LIN28B: variants seen among roughly 807,000 people sequenced by gnomAD.
LIN28B encodes protein lin-28 homolog B.
A neutral mutation model predicts 21.9 loss-of-function variants in LIN28B; 5 were observed. The observed-to-expected ratio is 0.23, with a 90% CI of 0.12 to 0.48. The LOEUF (loss-of-function observed/expected upper bound fraction) is 0.48. LIN28B is among the 20% of genes least tolerant of loss of function. The probability of loss-of-function intolerance (pLI) is 0.98; values close to 1 mark genes in which losing one functional copy is unlikely to be tolerated. For missense variants in LIN28B, 245 were observed against 310.5 expected (o/e 0.79, Z 1.58); for synonymous variants, 109 against 111.3 (o/e 0.98, Z 0.13).
intron 2 of LIN28B, among the ~76,000 whole-genome samples, chr6:104,949,827 A>G (rs1018891739): frequency 1.3e-5 from 2 of 152,238 alleles, no homozygotes; most frequent in African/African-American, 4.8e-5. Context: ...AGAAACATCA[A>G]TATTTACTCA....
At chr6:104,943,947 A>G (rs1481846140) in intron 2 of LIN28B, among the ~76,000 whole-genome samples, 3 of 152,156 alleles carry the variant, frequency 2.0e-5, no homozygotes, top group Non-Finnish European at 4.4e-5. Context: ...ATACATGTAC[A>G]TTATTGTGTT....
chr6:105,026,624 G>A, intron 3 of LIN28B, 142 bp downstream of exon 3: 2 of 580,352 alleles, frequency 3.4e-6, no homozygotes, highest in East Asian at 5.8e-5. Context: ...CAGAAATATA[G>A]GCTATCTTGC....
intron 3 of LIN28B, among the ~76,000 whole-genome samples, chr6:104,951,933 A>G (rs896807950): frequency 3.3e-5 from 5 of 152,108 alleles, no homozygotes; most frequent in Admixed American, 1.3e-4. Context: ...CTTCTCACAC[A>G]TGCTGATTTG....
In LIN28B at chr6:104,959,921, A is replaced by G. The variant is rs375609034; in HGVS notation, c.198+1635A>G. On this transcript the variant is annotated intron_variant, in intron 2 of 3. Coordinates refer to ENST00000345080, the MANE Select transcript of LIN28B (RefSeq NM_001004317.4). ...ATTTGATTTTCTATGTTTACCTTCT[A>G]AAATATTCATCAAATGTTAAGATAT... Among the ~76,000 whole-genome samples, 3 of 152,270 alleles carry G rather than the reference A, an allele frequency of 2.0e-5. No individual in the cohort carries two copies. The East Asian group carries it at 5.8e-4, about 29-fold the overall frequency.
At chr6:105,070,263 G>A (rs1772306006) in intron 3 of LIN28B, among the ~76,000 whole-genome samples, 1 of 152,230 alleles carries the variant, frequency 6.6e-6, no homozygotes, top group South Asian at 2.1e-4. Context: ...TTTTTTGAAA[G>A]CTTTCAAAAT....
intron 2 of LIN28B, among the ~76,000 whole-genome samples, chr6:104,961,381 A>G (rs998261824): frequency 1.3e-5 from 2 of 152,082 alleles, no homozygotes; most frequent in Non-Finnish European, 2.9e-5. Context: ...CGTGGTTAAT[A>G]CAAATTTGTT....
At chr6:105,011,598 A>G (rs1363382651) in intron 2 of LIN28B, among the ~76,000 whole-genome samples, 2 of 151,722 alleles carry the variant, frequency 1.3e-5, no homozygotes, top group East Asian at 3.9e-4. Context: ...TAAAAAATAA[A>G]CTGTCCTTTG....
intron 2 of LIN28B, among the ~76,000 whole-genome samples, chr6:105,011,584 T>A (rs1489938950): frequency 6.6e-6 from 1 of 152,216 alleles, no homozygotes; most frequent in Non-Finnish European, 1.5e-5. Flanking sequence ...GCAACTGCTC[T>A]TGTTAAAAAA....
intron 3 of LIN28B, among the ~76,000 whole-genome samples, chr6:105,059,069 G>A (rs1772077289): frequency 6.6e-6 from 1 of 152,052 alleles, no homozygotes; most frequent in East Asian, 1.9e-4. Context: ...TAATTCTTTT[G>A]TATTCGTTTT....
intron 3 of LIN28B, among the ~76,000 whole-genome samples, chr6:105,033,682 A>G (rs1771469349): frequency 6.7e-6 from 1 of 150,218 alleles, no homozygotes; most frequent in Non-Finnish European, 1.5e-5. Flanking sequence ...ACGAGTCTAT[A>G]CAGCTGTCTT....
At chr6:104,996,003 C>T (rs1306341095) in intron 2 of LIN28B, among the ~76,000 whole-genome samples, 1 of 150,830 alleles carries the variant, frequency 6.6e-6, no homozygotes, top group Non-Finnish European at 1.5e-5. Context: ...TATACATACC[C>T]CACTAGAAAC....
intron 3 of LIN28B, among the ~76,000 whole-genome samples, chr6:105,058,569 C>T (rs1244240727): frequency 6.6e-6 from 1 of 152,156 alleles, no homozygotes; most frequent in East Asian, 1.9e-4. Context: ...CCCTAGTTTT[C>T]TGCTTTCACT....
At chr6:105,036,836 C>G (rs1443014853) in intron 3 of LIN28B, among the ~76,000 whole-genome samples, 1 of 151,972 alleles carries the variant, frequency 6.6e-6, no homozygotes, top group African/African-American at 2.4e-5. Context: ...TAGACTGTGG[C>G]CTTGGTGAAA....
intron 3 of LIN28B, among the ~76,000 whole-genome samples, chr6:105,077,668 T>C (rs1384263383): frequency 6.6e-6 from 1 of 152,186 alleles, no homozygotes; most frequent in African/African-American, 2.4e-5. Context: ...AAGTTAACTT[T>C]TCTCATCATT....
intron 3 of LIN28B, among the ~76,000 whole-genome samples, chr6:105,078,135 A>C (rs939691818): frequency 6.6e-6 from 1 of 152,104 alleles, no homozygotes; most frequent in Non-Finnish European, 1.5e-5. Flanking sequence ...TCCTTTCTAT[A>C]TGGAAGTGAT....
chr6:105,013,610 G>C (rs1276221066), intron 2 of LIN28B, among the ~76,000 whole-genome samples: 2 of 151,482 alleles, frequency 1.3e-5, no homozygotes, highest in African/African-American at 4.9e-5. Flanking sequence ...TGTGCCTGTT[G>C]TCCCAGCTAC....
At chr6:105,072,639 G>A (rs113127774) in intron 3 of LIN28B, among the ~76,000 whole-genome samples, 3,539 of 152,028 alleles carry the variant, frequency 0.023, 138 homozygotes, top group African/African-American at 0.08. Flanking sequence ...AAAACTCAGT[G>A]TTTTTACCAC....
upstream of LIN28B, among the ~76,000 whole-genome samples, chr6:104,952,589 A>T (rs141294022): frequency 5.5e-4 from 84 of 152,324 alleles, no homozygotes; most frequent in African/African-American, 2.0e-3. Context: ...GTCTTAAAAT[A>T]ATGCTCCTTT....
chr6:105,015,383 T>C (rs1179320875), intron 2 of LIN28B, among the ~76,000 whole-genome samples: 17 of 152,208 alleles, frequency 1.1e-4, no homozygotes, highest in Non-Finnish European at 1.5e-5. Flanking sequence ...TTTTCTGTGC[T>C]CTGATTTTTT....
Sources: gnomAD v4.1 joint callset for allele counts (sites outside exome capture counted in the v4.1 genomes callset) on GRCh38, gnomAD v4.1.1 for gene constraint, MANE v1.5 for transcripts, NCBI Gene and HGNC (gene_info 2026-07-23, HGNC 2026-07-21) for gene names.